The following EIF4E3 variants were observed in gnomAD, a reference collection of about 807,000 sequenced individuals.
EIF4E3 encodes the protein eukaryotic translation initiation factor 4E family member 3, also known as eukaryotic translation initiation factor 4E type 3.
A neutral mutation model predicts 31.7 loss-of-function variants in EIF4E3; 26 were observed. The ratio of observed to expected loss-of-function variants is 0.82; its 90% CI spans 0.60 to 1.14. EIF4E3 has a LOEUF of 1.14. Ranked by LOEUF, EIF4E3 falls within the 50% of genes most tolerant of loss-of-function variation. The pLI, the probability that EIF4E3 is intolerant of heterozygous loss-of-function variation, is 0.00. For synonymous variants in EIF4E3, 128 were observed against 107.7 expected (o/e 1.19, Z -1.17); for missense variants, 304 against 270.9 (o/e 1.12, Z -0.86).
chr3:71,664,262 T>C, the EIF4E3 span, among the ~76,000 whole-genome samples: 3 of 152,200 alleles, frequency 2.0e-5, no homozygotes, highest in East Asian at 5.8e-4. Context: ...AGAATCATCA[T>C]CTTCATACTC....
chr3:71,725,451 C>CCGCCCCGCG (rs967424367), upstream of EIF4E3: 9 of 852,508 alleles, frequency 1.1e-5, no homozygotes, highest in East Asian at 1.3e-4. The surrounding 1 kb of genome is among the most constrained non-coding windows in gnomAD (Gnocchi z 6.1). Context: ...CCGCCCCGCC[C>CCGCCCCGCG]CGCCCCGCGC....
At chr3:71,753,592 G>T (rs1256080063) in exon 1 of EIF4E3, 2 of 148,642 alleles carry the variant, frequency 1.3e-5, no homozygotes, top group South Asian at 1.8e-4. Context: ...GGGATGCCTC[G>T]GCGGGGCTGG....
chr3:71,684,508 A>C lies in EIF4E3; in HGVS notation c.*174T>G, dbSNP rs1578329629. On this transcript the variant is annotated 3_prime_UTR_variant, in exon 7 of 7. Coordinates refer to ENST00000425534, the MANE Select transcript of EIF4E3 (RefSeq NM_001134651.2). ...TAATGTGACGGTAGAAACCCACACA[A>C]TCTCCCCCCACCCCACCTGCCACTT... is the stretch of plus-strand genomic sequence containing the variant. 2.2e-5 allele frequency: 11 copies of C among 492,608 alleles called. No individual in the cohort carries two copies. The highest frequency in any genetic ancestry group is 7.1e-5 in the East Asian group (2 of 28,344). The allele number at this position is 492,608 out of a possible 1,614,324, so 30.5% of individuals were successfully genotyped here.
Position 71,684,698 on chromosome 3 carries a change from C to A in EIF4E3, c.659G>T (p.Gly220Val). 6.2e-7 allele frequency: 1 copy of A among 1,613,670 alleles called. No homozygotes were observed. The highest frequency in any genetic ancestry group is 8.5e-7 in the Non-Finnish European group (1 of 1,179,890). The change falls in exon 7 of 7, where the codon GGA (glycine) becomes GTA (valine). Residue 220 changes from glycine to valine, a missense_variant. Gly to Val is a moderately radical substitution (Grantham distance 109). Transcript: ENST00000425534. Reference protein sequence around the residue: ...PHEEHHAFEGGRGKH With the variant: ...PHEEHHAFEGVRGKH ...AGAGTGCAATTAGTGTTTTCCACGT[C>A]CACCTTCAAAAGCATGATGCTCTTC...
At chr3:71,703,074 C>T (rs772375239) in intron 2 of EIF4E3, among the ~76,000 whole-genome samples, 20 of 152,148 alleles carry the variant, frequency 1.3e-4, no homozygotes, top group Non-Finnish European at 2.8e-4. Context: ...TAAAACTAAG[C>T]ACAATGTTTA....
intron 1 of EIF4E3, among the ~76,000 whole-genome samples, chr3:71,731,848 C>T (rs1356721357): frequency 6.6e-6 from 1 of 152,158 alleles, no homozygotes; most frequent in Non-Finnish European, 1.5e-5. Flanking sequence ...TTGTCCACAC[C>T]TTGACCCCCT....
At chr3:71,691,596 G>A (rs143402693) in intron 5 of EIF4E3, among the ~76,000 whole-genome samples, 4 of 152,278 alleles carry the variant, frequency 2.6e-5, no homozygotes, top group Non-Finnish European at 2.9e-5. Flanking sequence ...TGGCGGGCTG[G>A]TAATGTCCTG....
chr3:71,660,103 G>A, the EIF4E3 span, among the ~76,000 whole-genome samples: 2 of 152,298 alleles, frequency 1.3e-5, no homozygotes, highest in East Asian at 1.9e-4. Context: ...GAGAAGCTCT[G>A]CTCTAGGGGG....
At chr3:71,736,641 G>T (rs1359203209) in intron 1 of EIF4E3, among the ~76,000 whole-genome samples, 1 of 152,220 alleles carries the variant, frequency 6.6e-6, no homozygotes, top group African/African-American at 2.4e-5. Context: ...GTTGTCAGGG[G>T]TTCAGGTGTA....
chr3:71,694,271 C>T (rs1310449216), intron 4 of EIF4E3, among the ~76,000 whole-genome samples: 1 of 152,232 alleles, frequency 6.6e-6, no homozygotes, highest in Non-Finnish European at 1.5e-5. Context: ...CTTTACCTCT[C>T]ACTGATTCAA....
chr3:71,691,458 G>A (rs1369498719), intron 5 of EIF4E3, among the ~76,000 whole-genome samples: 1 of 151,920 alleles, frequency 6.6e-6, no homozygotes, highest in African/African-American at 2.4e-5. Flanking sequence ...CTGGCTAAAT[G>A]TGTATGACTT....
At chr3:71,673,554 A>C (rs1241735453), downstream of EIF4E3, among the ~76,000 whole-genome samples, 1 of 152,106 alleles carries the variant, frequency 6.6e-6, no homozygotes, top group East Asian at 1.9e-4. Context: ...TTTGACTTAA[A>C]AAAAAAAACA....
intron 1 of EIF4E3, among the ~76,000 whole-genome samples, chr3:71,731,466 A>C (rs1391970316): frequency 6.6e-6 from 1 of 151,972 alleles, no homozygotes; most frequent in Non-Finnish European, 1.5e-5. Flanking sequence ...TTTTCAGTGC[A>C]CGTGTCAGCT....
In EIF4E3 at chr3:71,684,668, T is replaced by C; in HGVS notation, c.*14A>G. On this transcript the variant is annotated 3_prime_UTR_variant, in exon 7 of 7. Coordinates refer to ENST00000425534, the MANE Select transcript of EIF4E3 (RefSeq NM_001134651.2). Reference sequence around the variant, plus strand: ...CCAATCAGCAAAGGACAAAGAATTCTTTACAGAGTGCAATTAGTGTTTTCC... The same window carrying C: ...CCAATCAGCAAAGGACAAAGAATTCCTTACAGAGTGCAATTAGTGTTTTCC... 1.2e-6 allele frequency: 2 copies of C among 1,613,874 alleles called. No homozygotes were observed. The highest frequency in any genetic ancestry group is 1.7e-6 in the Non-Finnish European group (2 of 1,179,924).
In EIF4E3 at chr3:71,725,269, G is replaced by C; in HGVS notation, c.99C>G (p.Gly33=). The C allele has an allele frequency of 2.9e-6, 3 of 1,031,262 alleles. No individual in the cohort carries two copies. The highest frequency in any genetic ancestry group is 3.5e-6 in the Non-Finnish European group (3 of 862,086). 63.9% of individuals were successfully genotyped at this position (1,031,262 alleles called of 1,614,324 possible). Residue 33 remains glycine (G), a synonymous_variant, in exon 1 of 7, where the codon GGC becomes GGG. Coordinates refer to ENST00000425534, the MANE Select transcript of EIF4E3 (RefSeq NM_001134651.2). The surrounding 1 kb of genome is among the most constrained non-coding windows in gnomAD (Gnocchi z 6.1). ...AAAAAPEPPL[G]LQQLSALQPE... is the part of the protein sequence containing the mutation. ...GCTGCAGCGCCGACAGCTGCTGCAGGCCGAGCGGCGGCTCGGGGGCGGCGG... is the reference window on the plus strand; with the variant it reads ...GCTGCAGCGCCGACAGCTGCTGCAGCCCGAGCGGCGGCTCGGGGGCGGCGG...
At chr3:71,703,208 C>G (rs2108057504) in intron 2 of EIF4E3, among the ~76,000 whole-genome samples, 1 of 152,262 alleles carries the variant, frequency 6.6e-6, no homozygotes, top group South Asian at 2.1e-4. Flanking sequence ...GTGAACAGAG[C>G]ACTGTGACGG....
intron 2 of EIF4E3, among the ~76,000 whole-genome samples, chr3:71,702,711 TAAA>T (rs34223814): frequency 2.3e-5 from 3 of 131,206 alleles, no homozygotes; most frequent in Non-Finnish European, 3.3e-5. Context: ...GTCACACCAT[TAAA>T]AAAAAAAAAA....
intron 1 of EIF4E3, among the ~76,000 whole-genome samples, chr3:71,737,290 A>G (rs2049773548): frequency 6.6e-6 from 1 of 152,230 alleles, no homozygotes. Flanking sequence ...ACTTATGAAA[A>G]TATTCAAGTT....
At chr3:71,690,985 G>A (rs1238833222) in intron 5 of EIF4E3, among the ~76,000 whole-genome samples, 1 of 152,150 alleles carries the variant, frequency 6.6e-6, no homozygotes, top group Non-Finnish European at 1.5e-5. Context: ...GCACATAGTT[G>A]AGAACGGCGG....
Sources: gnomAD v4.1 joint callset for allele counts (sites outside exome capture counted in the v4.1 genomes callset) on GRCh38, gnomAD v4.1.1 for gene constraint, Gnocchi (gnomAD v3.1) non-coding constraint, MANE v1.5 for transcripts, NCBI Gene and HGNC (gene_info 2026-07-23, HGNC 2026-07-21) for gene names.